The following PLAC8 variants were observed in gnomAD, a reference collection of about 807,000 sequenced individuals.
PLAC8 encodes placenta associated 8.
A neutral mutation model predicts 12.6 loss-of-function variants in PLAC8; 6 were observed. That is an observed-to-expected ratio of 0.48 (90% CI 0.26 to 0.94). The LOEUF (loss-of-function observed/expected upper bound fraction) is 0.94. Among genes scored for constraint, PLAC8 ranks in the 40% least tolerant of loss-of-function variants. PLAC8 has a pLI of 0.14. For missense variants in PLAC8, 122 were observed against 152.7 expected, an observed-to-expected ratio of 0.80 and a Z score of 1.06; for synonymous variants, 54 against 52.6, an observed-to-expected ratio of 1.03 and a Z score of -0.11.
In PLAC8 at chr4:83,105,031, G is replaced by A. The variant is rs115391910; in HGVS notation, c.119-11C>T. On this transcript the variant is annotated splice_polypyrimidine_tract_variant and intron_variant, in intron 2 of 4. Coordinates refer to ENST00000311507, the MANE Select transcript of PLAC8 (RefSeq NM_016619.3). ...ATGTGCCACAGAGACCTAGACACATGAAACCAGGGGTACATATTACTCCAC... is the reference window on the plus strand; with the variant it reads ...ATGTGCCACAGAGACCTAGACACATAAAACCAGGGGTACATATTACTCCAC... 1 of 1,613,954 alleles carries A rather than the reference G, an allele frequency of 6.2e-7. No homozygotes were observed. Among genetic ancestry groups the A allele is most frequent in the African/African-American group, 1.3e-5 (1 of 75,006 alleles).
At chr4:83,110,788 G>A (rs992510792) in intron 1 of PLAC8, among the ~76,000 whole-genome samples, 1 of 152,176 alleles carries the variant, frequency 6.6e-6, no homozygotes, top group African/African-American at 2.4e-5. Context: ...CATATTTTTG[G>A]GTGATGGCTT....
At position 83,104,921 on chromosome 4, in the gene PLAC8, A is replaced by G; in HGVS notation, c.218T>C (p.Leu73Pro). Residue 73 changes from leucine (L) to proline (P), a missense_variant, in exon 3 of 5, where the codon CTC becomes CCC. By Grantham distance (98) the Leu-to-Pro change is moderately conservative. Coordinates refer to ENST00000311507, the MANE Select transcript of PLAC8 (RefSeq NM_016619.3). Reference sequence around the variant, plus strand: ...AGGGATGCCATATCGGGTCCTGTAGAGAGTCCTCATTGCGACGCTTGTTCC... The same window carrying G: ...AGGGATGCCATATCGGGTCCTGTAGGGAGTCCTCATTGCGACGCTTGTTCC... ...LCGTSVAMRT[L>P]YRTRYGIPGS... 6.2e-7 allele frequency: 1 copy of G among 1,614,128 alleles called. No individual in the cohort carries two copies. The highest frequency in any genetic ancestry group is 8.5e-7 in the Non-Finnish European group (1 of 1,180,000).
At chr4:83,094,027 A>C (rs1731867903) in intron 4 of PLAC8, 1 of 152,226 alleles carries the variant, frequency 6.6e-6, no homozygotes, top group African/African-American at 2.4e-5. Flanking sequence ...TCCCATACTT[A>C]ATATATATTC....
chr4:83,095,121 T>C lies in PLAC8; in HGVS notation c.244-330A>G, dbSNP rs112198360. ...TCATAGGAAGCTAGTAGGGGATGTG[T>C]TCCACCAAAATGCGGGTGTAAACCA... On this transcript the variant is annotated intron_variant, in intron 3 of 4. Transcript: ENST00000311507. 8.8e-3 allele frequency among the ~76,000 whole-genome samples: 1,341 copies of C among 152,266 alleles called. 24 individuals are homozygous for C. Among genetic ancestry groups the C allele is most frequent in the African/African-American group, 0.03 (1,256 of 41,540 alleles).
intron 3 of PLAC8, among the ~76,000 whole-genome samples, chr4:83,099,806 GCCAACATGGTGAAA>G (rs201395976): frequency 0.051 from 7,597 of 149,260 alleles, 364 homozygotes; most frequent in African/African-American, 0.13. Flanking sequence ...GACCATCCTG[GCCAACATGGTGAAA>G]CCCCATCTCT....
chr4:83,099,879 A>G (rs1299323088), intron 3 of PLAC8, among the ~76,000 whole-genome samples: 1 of 151,344 alleles, frequency 6.6e-6, no homozygotes, highest in Admixed American at 6.6e-5. Flanking sequence ...GGTGACGCAC[A>G]CCCGTACTCC....
intron 2 of PLAC8, among the ~76,000 whole-genome samples, chr4:83,106,975 G>A (rs1007024314): frequency 1.4e-4 from 21 of 151,968 alleles, no homozygotes; most frequent in Non-Finnish European, 1.8e-4. Context: ...TCAGGCAGGC[G>A]GATCACCTGA....
chr4:83,100,457 CTT>C, intron 3 of PLAC8, among the ~76,000 whole-genome samples: 1 of 151,790 alleles, frequency 6.6e-6, no homozygotes, highest in East Asian at 1.9e-4. Flanking sequence ...AATTAAACCT[CTT>C]TTCTTTATAA....
intron 1 of PLAC8, among the ~76,000 whole-genome samples, chr4:83,113,223 C>T (rs1199717825): frequency 3.9e-5 from 6 of 152,206 alleles, no homozygotes; most frequent in East Asian, 1.9e-4. Context: ...CTCACAGACA[C>T]GGCTTGGTGA....
rs140853673 is a variant in PLAC8 at position 83,114,494 on chromosome 4, G to C, written c.-30+172C>G. ...TGCTTAGCAAGAAATTGTTGAATTTGACTAAATGTATAAATTTAAAGCAAT... is the reference window on the plus strand; with the variant it reads ...TGCTTAGCAAGAAATTGTTGAATTTCACTAAATGTATAAATTTAAAGCAAT... On this transcript the variant is annotated intron_variant, in intron 1 of 4. Transcript: ENST00000311507. Among the ~76,000 whole-genome samples, 26 of 152,156 alleles carry C rather than the reference G, an allele frequency of 1.7e-4. No individual in the cohort carries two copies. The East Asian group carries it at 5.0e-3, about 29-fold the overall frequency.
chr4:83,099,921 G>A (rs1210413889), intron 3 of PLAC8, among the ~76,000 whole-genome samples: 2 of 151,608 alleles, frequency 1.3e-5, no homozygotes, highest in Admixed American at 6.6e-5. Context: ...CAGGAAAATT[G>A]CTTGAACCTG....
intron 3 of PLAC8, 82 bp downstream of exon 3, chr4:83,104,814 T>C (rs1732195799): frequency 7.1e-7 from 1 of 1,416,626 alleles, no homozygotes; most frequent in South Asian, 1.2e-5. Flanking sequence ...AGAAGATGTA[T>C]ACATCAAATG....
At position 83,107,184 on chromosome 4, in the gene PLAC8, G is replaced by A. The variant is rs577109346; in HGVS notation, c.118+620C>T. On this transcript the variant is annotated intron_variant, in intron 2 of 4. Transcript: ENST00000311507. The stretch of plus-strand genomic sequence containing the variant: ...CATTGCACTCCAGCCAGGGGGACAA[G>A]AGTGAGACTTCGTCTCAAAAACAAA... 2.1e-5 allele frequency among the ~76,000 whole-genome samples: 3 copies of A among 145,924 alleles called. No homozygotes were observed. In the South Asian group the frequency reaches 6.4e-4, roughly 31 times the overall value.
chr4:83,112,368 A>G (rs546720236), intron 1 of PLAC8, among the ~76,000 whole-genome samples: 4 of 151,782 alleles, frequency 2.6e-5, no homozygotes, highest in Non-Finnish European at 4.4e-5. Context: ...TTCCTTCACT[A>G]CTTTTGTACT....
intron 3 of PLAC8, among the ~76,000 whole-genome samples, chr4:83,096,834 T>C (rs1490077963): frequency 2.6e-5 from 4 of 152,214 alleles, no homozygotes; most frequent in African/African-American, 9.6e-5. Flanking sequence ...TGTGACCATA[T>C]GGGGATACTT....
chr4:83,100,117 T>C lies in PLAC8; in HGVS notation c.243+4779A>G, dbSNP rs540426286. 5.5e-4 allele frequency among the ~76,000 whole-genome samples: 83 copies of C among 150,844 alleles called. 1 individual carries two copies. The highest frequency in any genetic ancestry group is 1.1e-3 in the Admixed American group (17 of 15,112). ...CTAGACGGTGGAACCCCGTCTCTACTAAAAATACAAAAAAATAGCCAGGCG... is the reference window on the plus strand; with the variant it reads ...CTAGACGGTGGAACCCCGTCTCTACCAAAAATACAAAAAAATAGCCAGGCG... On this transcript the variant is annotated intron_variant, in intron 3 of 4. Transcript: ENST00000311507.
At chr4:83,100,318 C>G (rs922521194) in intron 3 of PLAC8, among the ~76,000 whole-genome samples, 1 of 151,924 alleles carries the variant, frequency 6.6e-6, no homozygotes, top group Non-Finnish European at 1.5e-5. Context: ...CTCTGTCTCC[C>G]TTCCTCCTGC....
chr4:83,092,331 A>ATCCT (rs1731824946), intron 4 of PLAC8, among the ~76,000 whole-genome samples: 1 of 152,146 alleles, frequency 6.6e-6, no homozygotes, highest in Non-Finnish European at 1.5e-5. Context: ...TTCTGGCCTC[A>ATCCT]TCCTGTACAA....
At chr4:83,092,274 T>C (rs1731822696) in intron 4 of PLAC8, among the ~76,000 whole-genome samples, 1 of 152,240 alleles carries the variant, frequency 6.6e-6, no homozygotes, top group Admixed American at 6.5e-5. Context: ...GTTTCATGTA[T>C]TTATTTAAGT....
Sources: allele counts gnomAD v4.1 joint callset (sites outside exome capture counted in the v4.1 genomes callset), GRCh38; gene constraint gnomAD v4.1.1; transcripts MANE v1.5; gene names NCBI Gene and HGNC (gene_info 2026-07-23, HGNC 2026-07-21).